Variants in MYRIP observed in about 807,000 individuals in gnomAD.
MYRIP encodes myosin VIIA and Rab interacting protein.
A neutral mutation model predicts 98.0 loss-of-function variants in MYRIP; 49 were observed. That is an observed-to-expected ratio of 0.50 (90% CI 0.40 to 0.63). MYRIP has a LOEUF of 0.63. Among genes scored for constraint, MYRIP ranks in the 30% least tolerant of loss-of-function variants. The pLI is 0.00. For synonymous variants in MYRIP, 404 were observed against 409.5 expected (o/e 0.99, Z 0.16); for missense variants, 1,004 against 1,058.2 (o/e 0.95, Z 0.71).
intron 1 of MYRIP, among the ~76,000 whole-genome samples, chr3:39,829,638 G>T (rs1308831671): frequency 6.6e-6 from 1 of 152,126 alleles, no homozygotes; most frequent in Non-Finnish European, 1.5e-5. Flanking sequence ...CTTGAGTCCT[G>T]GCTCAATGGG....
intron 2 of MYRIP, among the ~76,000 whole-genome samples, chr3:39,984,945 T>A (rs1308222592): frequency 2.6e-5 from 4 of 151,054 alleles, no homozygotes; most frequent in Non-Finnish European, 5.9e-5. Flanking sequence ...GGTATCTCAT[T>A]GTGGTTTTGA....
intron 2 of MYRIP, among the ~76,000 whole-genome samples, chr3:39,955,012 A>G (rs1285490887): frequency 6.6e-6 from 1 of 152,200 alleles, no homozygotes; most frequent in Non-Finnish European, 1.5e-5. Flanking sequence ...CCTCCAAGAA[A>G]TGTGGGACTA....
chr3:39,912,899 G>A (rs897345655), intron 2 of MYRIP, among the ~76,000 whole-genome samples: 2 of 152,146 alleles, frequency 1.3e-5, no homozygotes, highest in Admixed American at 6.5e-5. Flanking sequence ...AATTAACTAG[G>A]TGTGGTGGCA....
chr3:39,974,391 A>T (rs759293566), intron 2 of MYRIP, among the ~76,000 whole-genome samples: 25 of 152,222 alleles, frequency 1.6e-4, no homozygotes, highest in Non-Finnish European at 2.6e-4. Context: ...ACAGGCTCTG[A>T]AATTCAGGCA....
chr3:40,014,720 C>T (rs1264650244), intron 2 of MYRIP, among the ~76,000 whole-genome samples: 2 of 152,188 alleles, frequency 1.3e-5, no homozygotes, highest in Non-Finnish European at 2.9e-5. Flanking sequence ...TATAATGAGG[C>T]TCAAAGGCTG....
intron 2 of MYRIP, among the ~76,000 whole-genome samples, chr3:39,919,004 C>T (rs983930494): frequency 1.3e-5 from 2 of 152,228 alleles, no homozygotes; most frequent in Admixed American, 6.5e-5. Flanking sequence ...TGCAGATTCT[C>T]TCTACAGATG....
intron 2 of MYRIP, among the ~76,000 whole-genome samples, chr3:39,994,713 G>C (rs916551845): frequency 1.2e-4 from 18 of 152,236 alleles, no homozygotes; most frequent in Non-Finnish European, 2.4e-4. Flanking sequence ...CATGCAGCTG[G>C]AGATCTGAGA....
intron 2 of MYRIP, among the ~76,000 whole-genome samples, chr3:40,042,232 T>C (rs1435844274): frequency 2.0e-5 from 3 of 150,362 alleles, no homozygotes; most frequent in African/African-American, 7.3e-5. Context: ...CAAAATACTT[T>C]ATGTGTATAT....
At chr3:39,809,392 C>T (rs1940579090), upstream of MYRIP, among the ~76,000 whole-genome samples, 1 of 149,022 alleles carries the variant, frequency 6.7e-6, no homozygotes, top group African/African-American at 2.4e-5. Context: ...TCCCGGTGCG[C>T]CCCGCCCCTC....
intron 11 of MYRIP, among the ~76,000 whole-genome samples, chr3:40,223,254 A>G (rs1952387010): frequency 6.8e-5 from 1 of 14,716 alleles, no homozygotes; most frequent in African/African-American, 1.1e-4. Context: ...ACCATCTGAT[A>G]GAATAGTCAA....
At chr3:40,009,211 A>G (rs1946699844) in intron 2 of MYRIP, among the ~76,000 whole-genome samples, 1 of 150,746 alleles carries the variant, frequency 6.6e-6, no homozygotes, top group South Asian at 2.1e-4. Flanking sequence ...CGGTCACCAC[A>G]GTGGAGGGAT....
At chr3:40,104,519 A>G (rs1949016861) in intron 3 of MYRIP, among the ~76,000 whole-genome samples, 1 of 152,224 alleles carries the variant, frequency 6.6e-6, no homozygotes, top group Non-Finnish European at 1.5e-5. Context: ...ATGTATAGTC[A>G]TATACTAATT....
At position 39,852,630 on chromosome 3, in the gene MYRIP, G is replaced by A. The variant is rs559856718; in HGVS notation, c.-31+42714G>A. Among the ~76,000 whole-genome samples, 167 of 151,928 alleles carry A rather than the reference G, an allele frequency of 1.1e-3. 1 individual carries two copies. The highest frequency in any genetic ancestry group is 2.2e-3 in the Non-Finnish European group (152 of 67,986). On this transcript the variant is annotated intron_variant, in intron 1 of 16. Coordinates refer to ENST00000302541, the MANE Select transcript of MYRIP (RefSeq NM_015460.4). ...CTAGCTCTCACAAGTGAGAACATAT[G>A]ATATTTGGTTTTCCATTTCTGAGTT...
intron 9 of MYRIP, among the ~76,000 whole-genome samples, chr3:40,187,483 C>T (rs1305374825): frequency 6.6e-6 from 1 of 152,230 alleles, no homozygotes; most frequent in Non-Finnish European, 1.5e-5. Flanking sequence ...AACACACTCA[C>T]AAGCATCCCC....
intron 10 of MYRIP, among the ~76,000 whole-genome samples, chr3:40,199,038 GA>G (rs1951479578): frequency 6.6e-6 from 1 of 152,178 alleles, no homozygotes. Flanking sequence ...TCTTAGGCAA[GA>G]GATACCAAAA....
At chr3:39,943,470 G>C (rs1237185163) in intron 2 of MYRIP, among the ~76,000 whole-genome samples, 2 of 152,064 alleles carry the variant, frequency 1.3e-5, no homozygotes, top group African/African-American at 4.8e-5. Context: ...GCTGATGATA[G>C]CTGACCCAGG....
At chr3:40,197,159 G>T (rs1220000860) in intron 10 of MYRIP, among the ~76,000 whole-genome samples, 1 of 152,100 alleles carries the variant, frequency 6.6e-6, no homozygotes, top group Non-Finnish European at 1.5e-5. Context: ...TTCCACCTCA[G>T]GTCATCAGGC....
At chr3:39,927,226 C>A (rs564847983) in intron 2 of MYRIP, among the ~76,000 whole-genome samples, 1 of 151,862 alleles carries the variant, frequency 6.6e-6, no homozygotes, top group Non-Finnish European at 1.5e-5. Context: ...ATCCTTTTGG[C>A]GGATATTTTA....
intron 8 of MYRIP, among the ~76,000 whole-genome samples, chr3:40,179,541 T>C (rs562255714): frequency 9.9e-5 from 15 of 152,196 alleles, no homozygotes; most frequent in Non-Finnish European, 2.2e-4. Context: ...TTTTTAAACT[T>C]GTATTCAGTG....
Sources: gnomAD v4.1 joint callset for allele counts (sites outside exome capture counted in the v4.1 genomes callset) on GRCh38, gnomAD v4.1.1 for gene constraint, MANE v1.5 for transcripts, NCBI Gene and HGNC (gene_info 2026-07-23, HGNC 2026-07-21) for gene names.